The following ESR1 variants were observed in gnomAD, a reference collection of about 807,000 sequenced individuals.
ESR1 encodes the protein estrogen receptor.
A neutral mutation model predicts 52.7 loss-of-function variants in ESR1; 12 were observed. That is an observed-to-expected ratio of 0.23 (90% CI 0.15 to 0.37). The LOEUF is 0.37. ESR1 is among the 10% of genes least tolerant of loss of function. The pLI, the probability that ESR1 is intolerant of heterozygous loss-of-function variation, is 1.00. For synonymous variants in ESR1, 305 were observed against 316.8 expected (o/e 0.96, Z 0.39); for missense variants, 584 against 779.7 (o/e 0.75, Z 2.99).
intron 1 of ESR1, among the ~76,000 whole-genome samples, chr6:151,812,651 C>T (rs968489327): frequency 1.3e-5 from 2 of 152,156 alleles, no homozygotes; most frequent in Non-Finnish European, 2.9e-5. Context: ...TTAGAAGAAC[C>T]CAGTAGAGAG....
chr6:152,073,480 T>G (rs1405481496), intron 6 of ESR1, among the ~76,000 whole-genome samples: 1 of 152,190 alleles, frequency 6.6e-6, no homozygotes, highest in African/African-American at 2.4e-5. Flanking sequence ...ATTGTCAACA[T>G]TTTGGTGAAA....
At chr6:151,929,698 G>A (rs555916716) in intron 3 of ESR1, among the ~76,000 whole-genome samples, 56 of 152,272 alleles carry the variant, frequency 3.7e-4, no homozygotes, top group African/African-American at 1.3e-3. Context: ...TACTCAGGGG[G>A]CTGAGGCAGG....
At chr6:151,685,158 G>T (rs1217691255) in intron 1 of ESR1, among the ~76,000 whole-genome samples, 1 of 109,640 alleles carries the variant, frequency 9.1e-6, no homozygotes, top group Admixed American at 1.4e-4. Flanking sequence ...ACGGAGTCTC[G>T]CTCTGTCGCC....
chr6:151,771,956 A>T (rs1173991050), intron 2 of ESR1, among the ~76,000 whole-genome samples: 1 of 152,232 alleles, frequency 6.6e-6, no homozygotes, highest in East Asian at 1.9e-4. Context: ...TTGCTAAATC[A>T]AAACTCCCCT....
At position 151,879,904 on chromosome 6, in the gene ESR1, G is replaced by A. The variant is rs148014683; in HGVS notation, c.644-751G>A. ...GTATTCTGTGCTGCATGTGAGTACC[G>A]ACTTAAATTATATTTTAAGAAGGGC... On this transcript the variant is annotated intron_variant, in intron 2 of 7. Transcript: ENST00000206249. Among the ~76,000 whole-genome samples, 548 of 152,158 alleles carry A rather than the reference G, an allele frequency of 3.6e-3. 5 individuals are homozygous for A. The highest frequency in any genetic ancestry group is 0.012 in the African/African-American group (511 of 41,512).
chr6:152,033,479 C>T (rs1249426450), intron 5 of ESR1, among the ~76,000 whole-genome samples: 4 of 152,026 alleles, frequency 2.6e-5, no homozygotes, highest in Non-Finnish European at 4.4e-5. Context: ...AACAAATGGG[C>T]GAAGGATATG....
rs1456788106 is a variant in ESR1, at chr6:152,098,735, C to T, written c.1557C>T (p.Asn519=). ...LILSHIRHMS[N]KGMEHLYSMK... ...TTCTGTGTCTTCCCACCTACAGTAACAAAGGCATGGAGCATCTGTACAGCA... is the reference window on the plus strand; with the variant it reads ...TTCTGTGTCTTCCCACCTACAGTAATAAAGGCATGGAGCATCTGTACAGCA... The change falls in exon 8 of 8, where the codon AAC becomes AAT. Residue 519 remains asparagine, a synonymous_variant. Transcript: ENST00000206249. This position sits in a 1 kb window ranked among gnomAD's most constrained non-coding sequence, Gnocchi z 5.1. 1.9e-6 allele frequency: 3 copies of T among 1,613,818 alleles called. No homozygotes were observed. Among genetic ancestry groups the T allele is most frequent in the East Asian group, 2.2e-5 (1 of 44,866 alleles).
chr6:151,828,428 T>C (rs1337620726), intron 1 of ESR1, among the ~76,000 whole-genome samples: 3 of 152,094 alleles, frequency 2.0e-5, no homozygotes, highest in African/African-American at 4.8e-5. Flanking sequence ...GTCAATATGA[T>C]GAAGATTTCT....
At chr6:151,672,676 T>C (rs1319090705) in intron 1 of ESR1, among the ~76,000 whole-genome samples, 1 of 152,006 alleles carries the variant, frequency 6.6e-6, no homozygotes, top group African/African-American at 2.4e-5. Flanking sequence ...TTTCACCATG[T>C]TGGCCATCCT....
intron 2 of ESR1, among the ~76,000 whole-genome samples, chr6:151,779,274 G>T (rs59454198): frequency 0.13 from 19,802 of 152,080 alleles, 1,838 homozygotes; most frequent in East Asian, 0.45. Flanking sequence ...TTTGTATAAG[G>T]TATAAGGAAG....
chr6:151,872,681 C>G (rs1288674698), intron 2 of ESR1, among the ~76,000 whole-genome samples: 3 of 152,138 alleles, frequency 2.0e-5, no homozygotes, highest in Non-Finnish European at 4.4e-5. Context: ...TTTTCTAATT[C>G]TATGCTGCTA....
At chr6:151,799,207 G>C (rs1225424007) in intron 2 of ESR1, among the ~76,000 whole-genome samples, 15 of 152,234 alleles carry the variant, frequency 9.9e-5, no homozygotes, top group Non-Finnish European at 1.5e-5. Context: ...CAAGTTTGGA[G>C]ACACAGATTC....
intron 4 of ESR1, among the ~76,000 whole-genome samples, chr6:151,953,747 G>T (rs1468062462): frequency 6.6e-6 from 1 of 151,854 alleles, no homozygotes; most frequent in Non-Finnish European, 1.5e-5. Flanking sequence ...ACCTTGGAGG[G>T]AATCTTACAG....
chr6:151,670,233 G>A (rs1010632661), intron 1 of ESR1, among the ~76,000 whole-genome samples: 2 of 152,104 alleles, frequency 1.3e-5, no homozygotes, highest in Non-Finnish European at 2.9e-5. Context: ...TTCTTACTTG[G>A]CTGAATCTGT....
intron 2 of ESR1, among the ~76,000 whole-genome samples, chr6:151,858,168 G>A (rs1467231542): frequency 6.6e-6 from 1 of 152,178 alleles, no homozygotes; most frequent in Non-Finnish European, 1.5e-5. Flanking sequence ...ATGAGCCCAA[G>A]AGAAATTGTG....
At chr6:151,688,052 T>A (rs1159929996), upstream of ESR1, among the ~76,000 whole-genome samples, 1 of 152,232 alleles carries the variant, frequency 6.6e-6, no homozygotes, top group Non-Finnish European at 1.5e-5. Flanking sequence ...TAGTGATGAA[T>A]GCAATTTAAT....
chr6:152,046,740 C>T (rs1057236578), intron 5 of ESR1, among the ~76,000 whole-genome samples: 3 of 152,142 alleles, frequency 2.0e-5, no homozygotes, highest in Non-Finnish European at 4.4e-5. Context: ...TGCCATCTTC[C>T]ATTGACTCTG....
At chr6:151,798,238 A>G (rs1027318456) in intron 2 of ESR1, among the ~76,000 whole-genome samples, 3 of 152,032 alleles carry the variant, frequency 2.0e-5, no homozygotes, top group Non-Finnish European at 2.9e-5. Context: ...TCTGGGTCTC[A>G]TTAAGTGACC....
intron 5 of ESR1, among the ~76,000 whole-genome samples, chr6:152,058,407 GT>G (rs2047279969): frequency 6.6e-6 from 1 of 152,114 alleles, no homozygotes; most frequent in African/African-American, 2.4e-5. Context: ...GCGCATGGCA[GT>G]TTTTTTCTGA....
Sources: gnomAD v4.1 joint callset for allele counts (sites outside exome capture counted in the v4.1 genomes callset) on GRCh38, gnomAD v4.1.1 for gene constraint, Gnocchi (gnomAD v3.1) non-coding constraint, MANE v1.5 for transcripts, NCBI Gene and HGNC (gene_info 2026-07-23, HGNC 2026-07-21) for gene names.